SDK1: variants seen among roughly 807,000 people sequenced by gnomAD.
The protein encoded by SDK1 is sidekick cell adhesion molecule 1.
A neutral mutation model predicts 245.5 loss-of-function variants in SDK1; 157 were observed. That is an observed-to-expected ratio of 0.64 (90% CI 0.56 to 0.73). The LOEUF is 0.73. SDK1 is among the 30% of genes least tolerant of loss of function. The pLI, the probability that SDK1 is intolerant of heterozygous loss-of-function variation, is 0.00. For missense variants in SDK1, 3,583 were observed against 3,002.3 expected, an observed-to-expected ratio of 1.19 and a Z score of -4.52; for synonymous variants, 1,647 against 1,278.5, an observed-to-expected ratio of 1.29 and a Z score of -6.15.
chr7:3,613,473 T>G (rs993899237), intron 1 of SDK1, among the ~76,000 whole-genome samples: 73 of 152,228 alleles, frequency 4.8e-4, no homozygotes, highest in African/African-American at 1.7e-3. Context: ...TCTTATTTTT[T>G]GGCTTTTGAG....
intron 1 of SDK1, among the ~76,000 whole-genome samples, chr7:3,412,666 T>TA (rs1347995220): frequency 6.6e-6 from 1 of 152,144 alleles, no homozygotes; most frequent in Non-Finnish European, 1.5e-5. Flanking sequence ...CAGGGGCAGT[T>TA]ACGATTTTGA....
Position 4,266,052 on chromosome 7 carries a change from C to T in SDK1, c.*668C>T, listed in dbSNP as rs1788450557. ...TGTGTCACTGCAGTGGTGCGGTCCT[C>T]AGGCTTTTCTGCCTGTCTTTCCCCC... is the stretch of plus-strand genomic sequence containing the variant. On this transcript the variant is annotated 3_prime_UTR_variant, in exon 45 of 45. Coordinates refer to ENST00000404826, the MANE Select transcript of SDK1 (RefSeq NM_152744.4). The T allele has an allele frequency of 1.0e-6, 1 of 985,366 alleles. No individual in the cohort carries two copies. The highest frequency in any genetic ancestry group is 1.2e-6 in the Non-Finnish European group (1 of 829,960). The allele number at this position is 985,366 out of a possible 1,614,324, so 61.0% of individuals were successfully genotyped here.
Position 4,069,790 on chromosome 7 carries a change from C to G in SDK1, c.3010+1854C>G, listed in dbSNP as rs75419664. ...CTTCCACTGTGTTTGTCACCCTAGC[C>G]TTGTGGGATCTCGTTTTGCTTTCTC... On this transcript the variant is annotated intron_variant, in intron 20 of 44. Coordinates refer to ENST00000404826, the MANE Select transcript of SDK1 (RefSeq NM_152744.4). Among the ~76,000 whole-genome samples the G allele has an allele frequency of 5.1e-3, 771 of 152,372 alleles. 6 individuals are homozygous for G. The highest frequency in any genetic ancestry group is 0.018 in the African/African-American group (731 of 41,582).
At chr7:3,838,938 C>G (rs543124161) in intron 5 of SDK1, among the ~76,000 whole-genome samples, 4 of 152,278 alleles carry the variant, frequency 2.6e-5, no homozygotes, top group African/African-American at 9.6e-5. Flanking sequence ...CCTATCTGCT[C>G]GGGCCCTGAA....
intron 5 of SDK1, among the ~76,000 whole-genome samples, chr7:3,913,395 G>A (rs150557748): frequency 0.021 from 3,096 of 150,024 alleles, 84 homozygotes; most frequent in African/African-American, 0.061. Flanking sequence ...CCAGGTTCAC[G>A]CCATTCTCCT....
intron 4 of SDK1, among the ~76,000 whole-genome samples, chr7:3,726,023 G>C (rs1005510560): frequency 1.3e-5 from 2 of 152,162 alleles, no homozygotes; most frequent in Non-Finnish European, 2.9e-5. Flanking sequence ...AAAATAAATT[G>C]CTGATTTGCT....
intron 4 of SDK1, among the ~76,000 whole-genome samples, chr7:3,813,620 T>C (rs1779439149): frequency 1.3e-5 from 2 of 148,928 alleles, no homozygotes; most frequent in African/African-American, 5.0e-5. Flanking sequence ...CATTTGGGTA[T>C]ATACCCAGTA....
Position 3,492,693 on chromosome 7 carries a change from C to G in SDK1, c.299-126387C>G, listed in dbSNP as rs17133437. On this transcript the variant is annotated intron_variant, in intron 1 of 44. Coordinates refer to ENST00000404826, the MANE Select transcript of SDK1 (RefSeq NM_152744.4). ...CCTGTTGCTTCCTGGTTGACTGATG[C>G]TCTCTCTGTTACATAACATCCCTGA... 1.1e-4 allele frequency among the ~76,000 whole-genome samples: 17 copies of G among 152,212 alleles called. No individual in the cohort carries two copies. In the East Asian group the frequency reaches 2.9e-3, roughly 26 times the overall value.
intron 5 of SDK1, among the ~76,000 whole-genome samples, chr7:3,928,630 TGGG>T (rs142247801): frequency 6.7e-6 from 1 of 149,862 alleles, no homozygotes; most frequent in Non-Finnish European, 1.5e-5. Flanking sequence ...AGTTTTTTTT[TGGG>T]GGGGGTGGGT....
chr7:3,895,957 T>C (rs1377930183), intron 5 of SDK1, among the ~76,000 whole-genome samples: 1 of 152,218 alleles, frequency 6.6e-6, no homozygotes, highest in Non-Finnish European at 1.5e-5. Context: ...CTCTGCATGA[T>C]TTCAATCCTT....
chr7:4,186,829 T>TGGCCCTTCTTTGGGGAGGAAGGC (rs1490892070), intron 35 of SDK1, among the ~76,000 whole-genome samples: 7 of 152,156 alleles, frequency 4.6e-5, no homozygotes, highest in African/African-American at 1.2e-4. Context: ...GGTACAGGCA[T>TGGCCCTTCTTTGGGGAGGAAGGC]GGCCCTTCTT....
At chr7:4,081,934 G>C (rs1781086911) in intron 22 of SDK1, among the ~76,000 whole-genome samples, 4 of 152,118 alleles carry the variant, frequency 2.6e-5, no homozygotes, top group Admixed American at 2.6e-4. Context: ...TAAAATGCCT[G>C]TTCACATGCC....
At position 4,268,866 on chromosome 7, in the gene SDK1, A is replaced by G. The variant is rs976954964; in HGVS notation, c.*3482A>G. The G allele has an allele frequency of 2.7e-5, 16 of 594,978 alleles. No individual in the cohort carries two copies. Among genetic ancestry groups the G allele is most frequent in the Non-Finnish European group, 3.7e-5 (13 of 354,356 alleles). The allele number at this position is 594,978 out of a possible 1,614,324, so 36.9% of individuals were successfully genotyped here. Reference sequence around the variant, plus strand: ...GGTTTAGGGAGCCGTCAGGTCCCTAAACGTTCCCTACAACTTTTTCTGAAA... The same window carrying G: ...GGTTTAGGGAGCCGTCAGGTCCCTAGACGTTCCCTACAACTTTTTCTGAAA... On this transcript the variant is annotated 3_prime_UTR_variant, in exon 45 of 45. Transcript: ENST00000404826.
intron 13 of SDK1, 79 bp downstream of exon 13, chr7:3,974,624 C>T (rs554778654): frequency 4.4e-6 from 6 of 1,377,434 alleles, no homozygotes; most frequent in Non-Finnish European, 5.1e-6. Flanking sequence ...TGCCACTTCA[C>T]AAGTGTCACG....
intron 1 of SDK1, among the ~76,000 whole-genome samples, chr7:3,607,498 T>A (rs1562598100): frequency 6.6e-6 from 1 of 152,260 alleles, no homozygotes; most frequent in Non-Finnish European, 1.5e-5. Context: ...TTCAAAATTC[T>A]CATTTGTGTT....
chr7:3,965,063 C>A (rs371603964), intron 9 of SDK1, among the ~76,000 whole-genome samples: 18 of 152,258 alleles, frequency 1.2e-4, no homozygotes, highest in Middle Eastern at 3.4e-3. Context: ...GCTTTTTCTG[C>A]GAAGGGCCTA....
intron 4 of SDK1, among the ~76,000 whole-genome samples, chr7:3,668,400 C>G (rs1783600314): frequency 1.3e-5 from 2 of 152,210 alleles, no homozygotes; most frequent in Admixed American, 6.5e-5. Flanking sequence ...ACATGGACCT[C>G]TCCATGGGCA....
intron 1 of SDK1, among the ~76,000 whole-genome samples, chr7:3,603,290 G>A (rs1421817795): frequency 5.4e-5 from 8 of 146,832 alleles, no homozygotes; most frequent in African/African-American, 1.5e-4. Context: ...CCATTTTCAC[G>A]ATATTGATTC....
intron 22 of SDK1, among the ~76,000 whole-genome samples, chr7:4,109,684 G>C (rs145752425): frequency 6.6e-6 from 1 of 152,216 alleles, no homozygotes; most frequent in Non-Finnish European, 1.5e-5. Flanking sequence ...GCACAAGGCC[G>C]TGGCTGTCTC....
Sources: gnomAD v4.1 joint callset for allele counts (sites outside exome capture counted in the v4.1 genomes callset) on GRCh38, gnomAD v4.1.1 for gene constraint, MANE v1.5 for transcripts, NCBI Gene and HGNC (gene_info 2026-07-23, HGNC 2026-07-21) for gene names.